FGF12: variants seen among roughly 807,000 people sequenced by gnomAD.
The protein encoded by FGF12 is fibroblast growth factor 12.
Under a neutral mutation model 23.6 loss-of-function variants are expected in FGF12, and 14 were observed. The observed-to-expected ratio is 0.59, with a 90% CI of 0.39 to 0.93. FGF12 has a LOEUF of 0.93. Among genes scored for constraint, FGF12 ranks in the 40% least tolerant of loss-of-function variants. The pLI is 0.00. For synonymous variants in FGF12, 62 were observed against 77.3 expected (o/e 0.80, Z 1.04); for missense variants, 175 against 217.8 (o/e 0.80, Z 1.24).
At chr3:192,552,382 A>G (rs1577049978) in intron 2 of FGF12, among the ~76,000 whole-genome samples, 1 of 151,702 alleles carries the variant, frequency 6.6e-6, no homozygotes, top group East Asian at 1.9e-4. Context: ...GAAGCAAAAA[A>G]CAAAATTCAA....
intron 2 of FGF12, among the ~76,000 whole-genome samples, chr3:192,697,351 A>G (rs1718158092): frequency 6.6e-6 from 1 of 152,176 alleles, no homozygotes; most frequent in African/African-American, 2.4e-5. Context: ...ACTACTTTGC[A>G]TTTCTTGTCT....
intron 2 of FGF12, among the ~76,000 whole-genome samples, chr3:192,713,272 G>C (rs1261271404): frequency 6.6e-6 from 1 of 152,198 alleles, no homozygotes; most frequent in African/African-American, 2.4e-5. Flanking sequence ...AGACTTGAAA[G>C]CTATTTCCTT....
At chr3:192,683,283 G>A (rs552742644) in intron 2 of FGF12, among the ~76,000 whole-genome samples, 7 of 152,228 alleles carry the variant, frequency 4.6e-5, no homozygotes, top group Admixed American at 2.0e-4. Flanking sequence ...AACTCTGAGC[G>A]GTTAGTGTCA....
intron 3 of FGF12, among the ~76,000 whole-genome samples, chr3:192,354,737 G>A (rs6775727): frequency 0.29 from 43,503 of 151,946 alleles, 6,501 homozygotes; most frequent in Admixed American, 0.37. Context: ...ACAGAGTCTC[G>A]CTGTGTCACC....
chr3:192,576,336 TGA>T (rs989128435), intron 2 of FGF12, among the ~76,000 whole-genome samples: 1 of 152,152 alleles, frequency 6.6e-6, no homozygotes, highest in Non-Finnish European at 1.5e-5. Context: ...ATCACACAGA[TGA>T]GAGAGCTGAA....
intron 2 of FGF12, among the ~76,000 whole-genome samples, chr3:192,482,578 G>A (rs1723509921): frequency 1.3e-5 from 2 of 152,138 alleles, no homozygotes; most frequent in Admixed American, 6.5e-5. Flanking sequence ...ATGTTGCAAT[G>A]AGCCAAGATC....
intron 2 of FGF12, among the ~76,000 whole-genome samples, chr3:192,433,171 CCCCAGTCATTGTGCTGAGAAAA>C: frequency 6.6e-6 from 1 of 152,270 alleles, no homozygotes; most frequent in South Asian, 2.1e-4. Flanking sequence ...GACCCTGGCA[CCCCAGTCATTGTGCTGAGAAAA>C]CAGAATCACA....
chr3:192,437,051 C>T (rs1481533800), intron 2 of FGF12, among the ~76,000 whole-genome samples: 1 of 152,088 alleles, frequency 6.6e-6, no homozygotes, highest in African/African-American at 2.4e-5. Flanking sequence ...TGAATTGCAT[C>T]TTATGAATGA....
At chr3:192,672,825 C>T (rs1717176665) in intron 2 of FGF12, 1 of 150,974 alleles carries the variant, frequency 6.6e-6, no homozygotes, top group Non-Finnish European at 1.5e-5. Flanking sequence ...CACTGAGTTT[C>T]CTTGCCTTAT....
chr3:192,600,054 T>G (rs966711600), intron 2 of FGF12, among the ~76,000 whole-genome samples: 2 of 152,232 alleles, frequency 1.3e-5, no homozygotes, highest in African/African-American at 4.8e-5. Context: ...CATTTTGAGT[T>G]GATTTTTGTG....
chr3:192,420,512 G>T (rs1721491335), intron 2 of FGF12, among the ~76,000 whole-genome samples: 1 of 152,142 alleles, frequency 6.6e-6, no homozygotes, highest in Non-Finnish European at 1.5e-5. Flanking sequence ...AAATGGCTTG[G>T]TGCCCTCTCC....
chr3:192,682,516 T>C (rs1717569406), intron 2 of FGF12, among the ~76,000 whole-genome samples: 1 of 152,236 alleles, frequency 6.6e-6, no homozygotes, highest in South Asian at 2.1e-4. Flanking sequence ...ATTTCTAAGA[T>C]TCATTCCTCC....
intron 5 of FGF12, among the ~76,000 whole-genome samples, chr3:192,147,448 A>G (rs2108581179): frequency 6.6e-6 from 1 of 152,296 alleles, no homozygotes; most frequent in Non-Finnish European, 1.5e-5. Context: ...CTGAATGTAC[A>G]TGGTAAATAA....
chr3:192,328,783 T>A (rs1335672614), intron 4 of FGF12, among the ~76,000 whole-genome samples: 2 of 152,206 alleles, frequency 1.3e-5, no homozygotes, highest in African/African-American at 4.8e-5. Context: ...ATTATGATTA[T>A]AAGAGCAAAC....
At chr3:192,307,749 C>T (rs143989477) in intron 4 of FGF12, among the ~76,000 whole-genome samples, 5 of 152,298 alleles carry the variant, frequency 3.3e-5, no homozygotes, top group East Asian at 1.9e-4. Flanking sequence ...TTTACTGCCA[C>T]GCAAGATGAA....
chr3:192,268,691 G>T, intron 4 of FGF12: 1 of 448,970 alleles, frequency 2.2e-6, no homozygotes. Context: ...AGCTTCCTGA[G>T]GCTTCCCTAG....
intron 2 of FGF12, among the ~76,000 whole-genome samples, chr3:192,423,207 G>T (rs1159694585): frequency 6.6e-6 from 1 of 152,078 alleles, no homozygotes; most frequent in African/African-American, 2.4e-5. Flanking sequence ...AGAGCCCCCT[G>T]TTGCATAATT....
At chr3:192,376,947 CT>C (rs796949266) in intron 2 of FGF12, among the ~76,000 whole-genome samples, 4 of 152,268 alleles carry the variant, frequency 2.6e-5, no homozygotes, top group African/African-American at 9.6e-5. Context: ...ACATGGAAAG[CT>C]TTTGTATTGG....
At chr3:192,524,835 TTTTC>T (rs1724903789) in intron 2 of FGF12, among the ~76,000 whole-genome samples, 1 of 151,096 alleles carries the variant, frequency 6.6e-6, no homozygotes, top group African/African-American at 2.5e-5. Context: ...TCAGCATTTC[TTTTC>T]TTTCTTAAAC....
Sources: gnomAD v4.1 joint callset for allele counts (sites outside exome capture counted in the v4.1 genomes callset) on GRCh38, gnomAD v4.1.1 for gene constraint, MANE v1.5 for transcripts, NCBI Gene and HGNC (gene_info 2026-07-23, HGNC 2026-07-21) for gene names.